The following CPVL variants were observed in gnomAD, a reference collection of about 807,000 sequenced individuals.
CPVL encodes the protein carboxypeptidase vitellogenic like.
Under a neutral mutation model 63.7 loss-of-function variants are expected in CPVL, and 51 were observed. The ratio of observed to expected loss-of-function variants is 0.80; its 90% CI spans 0.64 to 1.01. The LOEUF (loss-of-function observed/expected upper bound fraction) is 1.01. CPVL is among the 50% of genes least tolerant of loss of function. CPVL has a pLI of 0.00. For missense variants in CPVL, 530 were observed against 573.1 expected (o/e 0.92, Z 0.77); for synonymous variants, 195 against 206.0 (o/e 0.95, Z 0.46).
chr7:29,180,523 A>G (rs565897427), intron 5 of CPVL, among the ~76,000 whole-genome samples: 25 of 151,830 alleles, frequency 1.6e-4, no homozygotes, highest in African/African-American at 5.6e-4. Context: ...GCGACAGAGC[A>G]ACAGAGCAAG....
At chr7:29,080,545 GAC>G (rs889977946) in intron 7 of CPVL, among the ~76,000 whole-genome samples, 2 of 123,236 alleles carry the variant, frequency 1.6e-5, no homozygotes, top group African/African-American at 6.0e-5. Context: ...GCATCAGAGT[GAC>G]ACTTTGTCTC....
chr7:29,183,040 T>C (rs1662997462), intron 4 of CPVL, among the ~76,000 whole-genome samples: 1 of 151,956 alleles, frequency 6.6e-6, no homozygotes, highest in Admixed American at 6.6e-5. Context: ...ATCTTCCCAT[T>C]ATATGAGACA....
At chr7:29,008,840 T>C (rs551729773) in intron 12 of CPVL, 1 of 152,208 alleles carries the variant, frequency 6.6e-6, no homozygotes, top group East Asian at 1.9e-4. Flanking sequence ...CTCTGCCTTG[T>C]TGTTTCAATG....
chr7:29,093,715 T>G (rs1584243004), intron 5 of CPVL, among the ~76,000 whole-genome samples: 1 of 152,314 alleles, frequency 6.6e-6, no homozygotes, highest in East Asian at 1.9e-4. Flanking sequence ...GTATAAAGAT[T>G]TTTGTGTTTT....
At chr7:29,010,674 G>A (rs1045631340) in intron 12 of CPVL, 4 of 152,126 alleles carry the variant, frequency 2.6e-5, no homozygotes, top group African/African-American at 9.7e-5. Context: ...AATACAAAAT[G>A]TCTCTTAAGG....
chr7:29,050,831 A>T (rs1790081474), intron 11 of CPVL, among the ~76,000 whole-genome samples: 1 of 152,060 alleles, frequency 6.6e-6, no homozygotes, highest in Non-Finnish European at 1.5e-5. Context: ...TGGAGGCATC[A>T]CACTACCTGA....
chr7:29,166,659 T>C (rs1180549914), intron 5 of CPVL, among the ~76,000 whole-genome samples: 1 of 152,108 alleles, frequency 6.6e-6, no homozygotes, highest in African/African-American at 2.4e-5. Context: ...AAAAAGATGG[T>C]TGTAATATTT....
rs1427872389 is a variant in CPVL at position 28,995,585 on chromosome 7, ATGTTAATTT to A, written c.*178_*186del. On this transcript the variant is annotated 3_prime_UTR_variant, in exon 13 of 13. Coordinates refer to ENST00000265394, the MANE Select transcript of CPVL (RefSeq NM_031311.5). ...TAATGTAATTCTTACTCATGTACTC[ATGTTAATTT>A]TGTAGTAAACATCTCCCCCCAAAAA... 3 of 572,804 alleles carry A rather than the reference ATGTTAATTT, an allele frequency of 5.2e-6. No homozygotes were observed. Among genetic ancestry groups the A allele is most frequent in the Non-Finnish European group, 9.0e-6 (3 of 331,656 alleles). 35.5% of individuals were successfully genotyped at this position (572,804 alleles called of 1,614,324 possible).
In CPVL at chr7:29,087,153, C is replaced by T. The variant is rs574232021; in HGVS notation, c.543-603G>A. On this transcript the variant is annotated intron_variant, in intron 6 of 12. Coordinates refer to ENST00000265394, the MANE Select transcript of CPVL (RefSeq NM_031311.5). ...AAAGAATGCTAACAGCCGGCCAGGG[C>T]GGTGGCTCATGCCTATAATACCAGG... Among the ~76,000 whole-genome samples the T allele has an allele frequency of 7.9e-4, 120 of 152,196 alleles. 2 individuals carry two copies. Among genetic ancestry groups the T allele is most frequent in the South Asian group, 2.1e-3 (10 of 4,814 alleles).
At chr7:29,111,442 A>G (rs1788216674) in intron 3 of CPVL, among the ~76,000 whole-genome samples, 1 of 152,202 alleles carries the variant, frequency 6.6e-6, no homozygotes, top group Non-Finnish European at 1.5e-5. Context: ...TTGCACTTGT[A>G]TGACCCTCAG....
intron 7 of CPVL, among the ~76,000 whole-genome samples, chr7:29,074,634 T>C (rs1026512880): frequency 6.6e-6 from 1 of 151,866 alleles, no homozygotes; most frequent in Admixed American, 6.6e-5. Flanking sequence ...GATTGGATCA[T>C]GGGGGCAGTT....
intron 3 of CPVL, among the ~76,000 whole-genome samples, chr7:29,098,753 T>C (rs912961172): frequency 2.6e-5 from 4 of 152,040 alleles, no homozygotes; most frequent in African/African-American, 4.8e-5. Flanking sequence ...GGATCTCAGT[T>C]TCCCCACCTA....
intron 1 of CPVL, among the ~76,000 whole-genome samples, chr7:29,141,534 G>A (rs1337713395): frequency 6.8e-6 from 1 of 146,224 alleles, no homozygotes; most frequent in Admixed American, 6.8e-5. Context: ...TGGGCGACAG[G>A]GTGAAACTCC....
intron 5 of CPVL, among the ~76,000 whole-genome samples, chr7:29,177,105 A>G (rs1025962881): frequency 1.3e-5 from 2 of 152,232 alleles, no homozygotes; most frequent in Non-Finnish European, 2.9e-5. Flanking sequence ...TTTAGTGAAC[A>G]TTGTCTTCTA....
intron 10 of CPVL, among the ~76,000 whole-genome samples, chr7:29,065,074 A>G (rs1783017563): frequency 6.6e-6 from 1 of 151,948 alleles, no homozygotes; most frequent in African/African-American, 2.4e-5. Flanking sequence ...AAACTGCAAT[A>G]AAGTCTCTGT....
At chr7:29,041,224 C>T (rs188157393) in intron 11 of CPVL, among the ~76,000 whole-genome samples, 94 of 150,786 alleles carry the variant, frequency 6.2e-4, no homozygotes, top group Non-Finnish European at 1.2e-3. Flanking sequence ...TTCTGCCTCC[C>T]GGGTTTACAC....
Position 29,072,053 on chromosome 7 carries a change from A to C in CPVL, c.733-149T>G. 3.3e-6 allele frequency: 3 copies of C among 922,940 alleles called. No homozygotes were observed. In the South Asian group the frequency reaches 5.0e-5, roughly 15 times the overall value. 57.2% of individuals were successfully genotyped at this position (922,940 alleles called of 1,614,324 possible). ...TAATTACATGCACACACACATATAC[A>C]CCCCACAACACACACAACAGAACAC... On this transcript the variant is annotated intron_variant, in intron 8 of 12. Transcript: ENST00000265394.
At chr7:29,119,088 C>T (rs1027293769) in intron 2 of CPVL, among the ~76,000 whole-genome samples, 3 of 152,230 alleles carry the variant, frequency 2.0e-5, no homozygotes, top group Non-Finnish European at 4.4e-5. Flanking sequence ...CAAACAGCTC[C>T]TCAGAATAGC....
At position 29,146,433 on chromosome 7, in the gene CPVL, C is replaced by A; in HGVS notation, c.-15G>T. On this transcript the variant is annotated 5_prime_UTR_variant, in exon 1 of 13. Transcript: ENST00000265394. The stretch of plus-strand genomic sequence containing the variant: ...CGCAGGGCAGGCGGCACTTACGCGG[C>A]GCAGTCGGTGCTCCTCCCTGAGCCG... 8.3e-7 allele frequency: 1 copy of A among 1,202,698 alleles called. No homozygotes were observed. The allele number at this position is 1,202,698 out of a possible 1,614,324, so 74.5% of individuals were successfully genotyped here.
Sources: gnomAD v4.1 joint callset for allele counts (sites outside exome capture counted in the v4.1 genomes callset) on GRCh38, gnomAD v4.1.1 for gene constraint, MANE v1.5 for transcripts, NCBI Gene and HGNC (gene_info 2026-07-23, HGNC 2026-07-21) for gene names.